Variants in KIF11 observed in about 807,000 individuals in gnomAD.
KIF11 encodes kinesin-like protein KIF11.
A neutral mutation model predicts 121.0 loss-of-function variants in KIF11; 9 were observed. The observed-to-expected ratio is 0.07, with a 90% CI of 0.04 to 0.13. KIF11 has a LOEUF of 0.13. KIF11 is among the 10% of genes least tolerant of loss of function. The pLI, the probability that KIF11 is intolerant of heterozygous loss-of-function variation, is 1.00. For missense variants in KIF11, 846 were observed against 1,217.5 expected, an observed-to-expected ratio of 0.69 and a Z score of 4.54; for synonymous variants, 408 against 421.0, an observed-to-expected ratio of 0.97 and a Z score of 0.38.
chr10:92,613,307 C>T lies in KIF11; in HGVS notation c.790-70C>T. 2.6e-6 allele frequency: 3 copies of T among 1,172,308 alleles called. No homozygotes were observed. The South Asian group carries it at 4.5e-5, about 17-fold the overall frequency. The allele number at this position is 1,172,308 out of a possible 1,614,324, so 72.6% of individuals were successfully genotyped here. Reference sequence around the variant, plus strand: ...CTGGCGATTTAATACATTATGTATCCTGTGAGAATGAAAGTCTTTGAATCC... The same window carrying T: ...CTGGCGATTTAATACATTATGTATCTTGTGAGAATGAAAGTCTTTGAATCC... On this transcript the variant is annotated intron_variant, in intron 7 of 21. Transcript: ENST00000260731. This position sits in a 1 kb window ranked among gnomAD's most constrained non-coding sequence, Gnocchi z 4.2.
In KIF11 at chr10:92,653,752, G is replaced by A. The variant is rs1402626973; in HGVS notation, c.3127G>A (p.Val1043Ile). Residue 1043 changes from valine to isoleucine, a missense_variant, in exon 22 of 22, where the codon GTT becomes ATT. Around this residue, in one of 5 missense-constraint regions of KIF11, gnomAD observed 492 missense variants for 603.4 expected, o/e 0.82. Transcript: ENST00000260731. ...AGTGGAAGAAACTACAGAGCACTTG[G>A]TTACAAAGAGCAGATTACCTCTGCG... ...SKVEETTEHL[V>I]TKSRLPLRAQ... 4 of 1,613,844 alleles carry A rather than the reference G, an allele frequency of 2.5e-6. No individual in the cohort carries two copies. The highest frequency in any genetic ancestry group is 3.4e-6 in the Non-Finnish European group (4 of 1,179,910).
chr10:92,653,637 A>G (rs776799485), intron 21 of KIF11, 28 bp from the exon 22 acceptor site: 1 of 1,599,406 alleles, frequency 6.3e-7, no homozygotes, highest in South Asian at 1.1e-5. Context: ...CTTTGTATTG[A>G]CTTAATTTTC....
chr10:92,636,602 G>GT (rs1311384552), intron 14 of KIF11, among the ~76,000 whole-genome samples: 1 of 151,136 alleles, frequency 6.6e-6, no homozygotes, highest in African/African-American at 2.4e-5. Flanking sequence ...GGCCACGAGA[G>GT]TGAAACTATA....
chr10:92,644,329 T>G (rs1324812463), intron 17 of KIF11, among the ~76,000 whole-genome samples: 3 of 152,142 alleles, frequency 2.0e-5, no homozygotes, highest in Non-Finnish European at 2.9e-5. Context: ...TTGTTTTTTT[T>G]ATTTGAGACA....
intron 9 of KIF11, among the ~76,000 whole-genome samples, chr10:92,620,078 C>CTTTT (rs1270524883): frequency 4.8e-5 from 6 of 125,490 alleles, no homozygotes; most frequent in African/African-American, 1.2e-4. Flanking sequence ...GGTTCTTTGT[C>CTTTT]TTTTTTTTTT....
At chr10:92,652,596 T>C (rs1845000091) in intron 21 of KIF11, among the ~76,000 whole-genome samples, 1 of 152,246 alleles carries the variant, frequency 6.6e-6, no homozygotes, top group Non-Finnish European at 1.5e-5. Context: ...TGCCACCTTT[T>C]GCTTTATTCC....
chr10:92,648,308 G>A lies in KIF11; in HGVS notation c.2644G>A (p.Asp882Asn), dbSNP rs1844943188. Residue 882 changes from aspartate (D) to asparagine (N), a missense_variant, in exon 19 of 22, where the codon GAT becomes AAT. Asp to Asn is a conservative substitution (Grantham distance 23). This residue lies in a region of KIF11 where 492 missense variants were observed against 603.4 expected (regional missense o/e 0.82). Coordinates refer to ENST00000260731, the MANE Select transcript of KIF11 (RefSeq NM_004523.4). ...AHEKQHNIFL[D>N]QMTIDEDKLI... ...TGAGAAACAGCATAACATTTTTCTT[G>A]ATCAGATGACTATTGATGAAGATAA... The A allele has an allele frequency of 1.2e-5, 19 of 1,611,364 alleles. No individual in the cohort carries two copies. Among genetic ancestry groups the A allele is most frequent in the Non-Finnish European group, 1.6e-5 (19 of 1,177,736 alleles).
chr10:92,623,209 G>A (rs7898506), intron 10 of KIF11, among the ~76,000 whole-genome samples: 22,731 of 152,196 alleles, frequency 0.15, 3,612 homozygotes, highest in African/African-American at 0.4. Flanking sequence ...CTAATTCACT[G>A]TAGTCACACT....
chr10:92,608,871 T>C, intron 4 of KIF11, 149 bp from the exon 5 acceptor site: 1 of 508,636 alleles, frequency 2.0e-6, no homozygotes, highest in Admixed American at 3.6e-5. Context: ...ATGACTTCTC[T>C]AACATTAGGT....
chr10:92,621,732 G>T (rs1844619641), intron 10 of KIF11, among the ~76,000 whole-genome samples: 1 of 152,076 alleles, frequency 6.6e-6, no homozygotes, highest in South Asian at 2.1e-4. Flanking sequence ...CTCCCAAGTA[G>T]CTGGGATTAT....
intron 9 of KIF11, among the ~76,000 whole-genome samples, chr10:92,617,488 G>A (rs548225705): frequency 6.6e-6 from 1 of 152,198 alleles, no homozygotes; most frequent in South Asian, 2.1e-4. Context: ...GAACATTTCT[G>A]TACATGTCTT....
intron 10 of KIF11, among the ~76,000 whole-genome samples, chr10:92,625,331 T>C (rs1181153498): frequency 1.3e-5 from 2 of 151,828 alleles, no homozygotes; most frequent in African/African-American, 4.8e-5. Context: ...TTTTGAAAAA[T>C]GTCCACATCA....
intron 1 of KIF11, among the ~76,000 whole-genome samples, chr10:92,604,831 C>G (rs2135899675): frequency 6.6e-6 from 1 of 152,272 alleles, no homozygotes; most frequent in South Asian, 2.1e-4. Context: ...CTTATTGATG[C>G]TACTCTGTGG....
rs115874602 is a variant in KIF11 at position 92,625,308 on chromosome 10, C to T, written c.1218-3500C>T. ...CATAGTTTCATATGCTTCTTAGCCA[C>T]ATATATGTCTTCTTTTGAAAAATGT... is the stretch of plus-strand genomic sequence containing the variant. On this transcript the variant is annotated intron_variant, in intron 10 of 21. Coordinates refer to ENST00000260731, the MANE Select transcript of KIF11 (RefSeq NM_004523.4). Among the ~76,000 whole-genome samples, 1,197 of 150,552 alleles carry T rather than the reference C, an allele frequency of 8.0e-3. 23 individuals carry two copies. The highest frequency in any genetic ancestry group is 0.027 in the African/African-American group (1,130 of 41,124).
intron 13 of KIF11, among the ~76,000 whole-genome samples, chr10:92,632,968 C>T (rs1362395906): frequency 6.6e-6 from 1 of 150,574 alleles, no homozygotes; most frequent in Non-Finnish European, 1.5e-5. Context: ...TTTTCCCTGA[C>T]TCCGGCTCCT....
Position 92,639,788 on chromosome 10 carries a change from T to G in KIF11, c.2161-6T>G. On this transcript the variant is annotated splice_region_variant and splice_polypyrimidine_tract_variant and intron_variant, in intron 16 of 21. Coordinates refer to ENST00000260731, the MANE Select transcript of KIF11 (RefSeq NM_004523.4). ...AGTCTCTTCACTTCCCACACCTTTC[T>G]TACAGGAACTTTGCAAGTTAATGAA... The G allele has an allele frequency of 6.4e-7, 1 of 1,574,382 alleles. No homozygotes were observed. The highest frequency in any genetic ancestry group is 8.7e-7 in the Non-Finnish European group (1 of 1,152,678).
chr10:92,624,560 G>T (rs1187973072), intron 10 of KIF11, among the ~76,000 whole-genome samples: 1 of 152,030 alleles, frequency 6.6e-6, no homozygotes, highest in Non-Finnish European at 1.5e-5. Flanking sequence ...TTTTATGCCT[G>T]TGTAGTATTC....
At chr10:92,607,684 T>C (rs927200315) in intron 4 of KIF11, among the ~76,000 whole-genome samples, 2 of 152,178 alleles carry the variant, frequency 1.3e-5, no homozygotes, top group African/African-American at 4.8e-5. Flanking sequence ...GCATATACTA[T>C]GTTTTACAAA....
At chr10:92,619,486 T>C (rs1353624501) in intron 9 of KIF11, among the ~76,000 whole-genome samples, 2 of 152,210 alleles carry the variant, frequency 1.3e-5, no homozygotes, top group African/African-American at 4.8e-5. Flanking sequence ...TAAACATAAA[T>C]TTTTATTTCT....
Sources: allele counts gnomAD v4.1 joint callset (sites outside exome capture counted in the v4.1 genomes callset), GRCh38; gene constraint gnomAD v4.1.1; regional missense constraint gnomAD v4.1.1; non-coding constraint Gnocchi (gnomAD v3.1); transcripts MANE v1.5; gene names NCBI Gene and HGNC (gene_info 2026-07-23, HGNC 2026-07-21).